The following FAM210B variants were observed in gnomAD, a reference collection of about 807,000 sequenced individuals.
FAM210B encodes the protein mitochondrial inner membrane scaffold 2, also known as family with sequence similarity 210 member B.
In FAM210B, 11 loss-of-function variants were observed where a neutral mutation model predicts 14.9. The ratio of observed to expected loss-of-function variants is 0.74; its 90% CI spans 0.46 to 1.22. FAM210B has a LOEUF of 1.22. Among genes scored for constraint, FAM210B ranks in the 50% most tolerant of loss-of-function variants. The pLI is 0.00. For synonymous variants in FAM210B, 113 were observed against 110.2 expected, an observed-to-expected ratio of 1.03 and a Z score of -0.16; for missense variants, 229 against 250.1, an observed-to-expected ratio of 0.92 and a Z score of 0.57.
rs1470759699 is a variant in FAM210B, at chr20:56,359,069, G to A, written c.64G>A (p.Ala22Thr). 12 of 1,355,956 alleles carry A rather than the reference G, an allele frequency of 8.8e-6. No homozygotes were observed. The East Asian group carries it at 1.3e-4, about 15-fold the overall frequency. 84.0% of individuals were successfully genotyped at this position (1,355,956 alleles called of 1,614,324 possible). The change falls in exon 1 of 3, where the codon GCC (alanine) becomes ACC (threonine). Residue 22 changes from alanine to threonine, a missense_variant. Ala to Thr is a moderately conservative substitution (Grantham distance 58, BLOSUM62 0). Coordinates refer to ENST00000371384, the MANE Select transcript of FAM210B (RefSeq NM_080821.3). The surrounding 1 kb of genome is among the most constrained non-coding windows in gnomAD (Gnocchi z 4.3). The stretch of plus-strand genomic sequence containing the variant: ...GGTGGGCGCCCGGGTCCGGCCTCGC[G>A]CCACCTGGCTCCTGGGCGCCACCGC... ...GRVGARVRPR[A>T]TWLLGATAPC...
In FAM210B at chr20:56,366,369, A is replaced by C. The variant is rs74808135; in HGVS notation, c.*82A>C. 1.5e-3 allele frequency: 2,203 copies of C among 1,427,360 alleles called. 33 individuals carry two copies. In the African/African-American group the frequency reaches 0.028, roughly 18 times the overall value. The allele number at this position is 1,427,360 out of a possible 1,614,324, so 88.4% of individuals were successfully genotyped here. ...ATTGGTTTTAGGGTTTTAGGGTTGT[A>C]GGGTTTCTTTTGGAGAGGTAGGGGG... On this transcript the variant is annotated 3_prime_UTR_variant, in exon 3 of 3. Transcript: ENST00000371384.
In FAM210B at chr20:56,359,662, TTA is replaced by T. The variant is rs1983492508; in HGVS notation, c.186+473_186+474del. Among the ~76,000 whole-genome samples, 1 of 152,258 alleles carries T rather than the reference TTA, an allele frequency of 6.6e-6. No homozygotes were observed. Among genetic ancestry groups the T allele is most frequent in the South Asian group, 2.1e-4 (1 of 4,836 alleles). On this transcript the variant is annotated intron_variant, in intron 1 of 2. Transcript: ENST00000371384. This position sits in a 1 kb window ranked among gnomAD's most constrained non-coding sequence, Gnocchi z 4.3. ...GGCAAGAAACCCACAGTGCTGTTTG[TTA>T]TGTTTCATTTCCGTCACTTTCCATT...
chr20:56,360,282 G>A, intron 1 of FAM210B: 2 of 468,360 alleles, frequency 4.3e-6, no homozygotes, highest in Non-Finnish European at 8.8e-6. Context: ...CAGCCCAGCT[G>A]TTCCTTCCTC....
rs773971408 is a variant in FAM210B at position 56,366,301 on chromosome 20, C to G, written c.*14C>G. The G allele has an allele frequency of 6.2e-7, 1 of 1,603,750 alleles. No individual in the cohort carries two copies. ...GCAAAACCTTAATGAACTCTTCAGT[C>G]GTACACACTGAAAACCTATTTCTTC... On this transcript the variant is annotated 3_prime_UTR_variant, in exon 3 of 3. Coordinates refer to ENST00000371384, the MANE Select transcript of FAM210B (RefSeq NM_080821.3).
rs1983631676 is a variant in FAM210B, at chr20:56,366,197, G to A, written c.489G>A (p.Val163=). ...CAATCCACAAGCTGTTTGCGCCAGT[G>A]AGAATCAGCATTACGCTAGTCTCTG... ...AYAIHKLFAP[V]RISITLVSVP... The change falls in exon 3 of 3, where the codon GTG becomes GTA. Residue 163 remains valine, a synonymous_variant. Coordinates refer to ENST00000371384, the MANE Select transcript of FAM210B (RefSeq NM_080821.3). 1.2e-6 allele frequency: 2 copies of A among 1,614,098 alleles called. No homozygotes were observed. Among genetic ancestry groups the A allele is most frequent in the South Asian group, 1.1e-5 (1 of 91,088 alleles).
chr20:56,359,098 CT>C lies in FAM210B; in HGVS notation c.94del (p.Cys32AlafsTer15). On this transcript the variant is annotated frameshift_variant, in exon 1 of 3. Coordinates refer to ENST00000371384, the MANE Select transcript of FAM210B (RefSeq NM_080821.3). LOFTEE classifies it high-confidence loss of function. This position sits in a 1 kb window ranked among gnomAD's most constrained non-coding sequence, Gnocchi z 4.3. ...CCTGGCTCCTGGGCGCCACCGCCCC[CT>C]GCGCCCCGCCGCCCCTGGCCCTGGC... ...ATWLLGATAP[C>X]APPPLALALL... is the part of the protein sequence containing the mutation. The C allele has an allele frequency of 7.5e-7, 1 of 1,339,252 alleles. No homozygotes were observed. Among genetic ancestry groups the C allele is most frequent in the South Asian group, 1.8e-5 (1 of 55,148 alleles). The allele number at this position is 1,339,252 out of a possible 1,614,324, so 83.0% of individuals were successfully genotyped here.
At chr20:56,361,528 G>A (rs6024826) in intron 1 of FAM210B, among the ~76,000 whole-genome samples, 1,883 of 152,238 alleles carry the variant, frequency 0.012, 45 homozygotes, top group African/African-American at 0.044. Flanking sequence ...CCCAGACTCA[G>A]CGAGTTTGGA....
Position 56,366,371 on chromosome 20 carries a change from G to C in FAM210B, c.*84G>C. 1 of 1,370,474 alleles carries C rather than the reference G, an allele frequency of 7.3e-7. No homozygotes were observed. 84.9% of individuals were successfully genotyped at this position (1,370,474 alleles called of 1,614,324 possible). A position where few individuals can be genotyped will look rare whatever the true frequency, so the allele number is the denominator to read the frequency against. ...TGGTTTTAGGGTTTTAGGGTTGTAG[G>C]GTTTCTTTTGGAGAGGTAGGGGGCT... is the stretch of plus-strand genomic sequence containing the variant. On this transcript the variant is annotated 3_prime_UTR_variant, in exon 3 of 3. Transcript: ENST00000371384.
At position 56,362,665 on chromosome 20, in the gene FAM210B, G is replaced by A. The variant is rs1400558898; in HGVS notation, c.187-2422G>A. The stretch of plus-strand genomic sequence containing the variant: ...TCTAGAATGTCAGAAGCCAACCGTG[G>A]TGCCAGCTAACCCGAGATTGTCCCT... On this transcript the variant is annotated intron_variant, in intron 1 of 2. Coordinates refer to ENST00000371384, the MANE Select transcript of FAM210B (RefSeq NM_080821.3). This position sits in a 1 kb window ranked among gnomAD's most constrained non-coding sequence, Gnocchi z 4.8. Among the ~76,000 whole-genome samples the A allele has an allele frequency of 3.3e-5, 5 of 152,156 alleles. No homozygotes were observed. Among genetic ancestry groups the A allele is most frequent in the Non-Finnish European group, 2.9e-5 (2 of 68,046 alleles).
chr20:56,360,388 A>G, intron 1 of FAM210B: 1 of 372,020 alleles, frequency 2.7e-6, no homozygotes, highest in South Asian at 2.0e-5. Context: ...CTCATCTGGA[A>G]TGGCCTCTTG....
intron 1 of FAM210B, among the ~76,000 whole-genome samples, chr20:56,364,610 C>T (rs1396423036): frequency 6.6e-6 from 1 of 152,184 alleles, no homozygotes; most frequent in East Asian, 1.9e-4. Flanking sequence ...GCCAGCCATA[C>T]CTAGTTCCAG....
chr20:56,363,103 G>T lies in FAM210B; in HGVS notation c.187-1984G>T, dbSNP rs1038071771. On this transcript the variant is annotated intron_variant, in intron 1 of 2. Transcript: ENST00000371384. The surrounding 1 kb of genome is among the most constrained non-coding windows in gnomAD (Gnocchi z 4.1). ...CGGGAGGTCACATGTGCTGGCCAAA[G>T]AAAGGGGGGCTGATGACATCTTCCC... Among the ~76,000 whole-genome samples the T allele has an allele frequency of 6.0e-4, 92 of 152,236 alleles. 1 individual carries two copies. Among genetic ancestry groups the T allele is most frequent in the Non-Finnish European group, 1.3e-4 (9 of 68,042 alleles).
chr20:56,364,515 T>G (rs933386588), intron 1 of FAM210B, among the ~76,000 whole-genome samples: 3 of 152,208 alleles, frequency 2.0e-5, no homozygotes, highest in African/African-American at 7.2e-5. Flanking sequence ...TCAAGACCCT[T>G]AATCACATCT....
In FAM210B at chr20:56,358,981, C is replaced by A. The variant is rs1370065996; in HGVS notation, c.-25C>A. On this transcript the variant is annotated 5_prime_UTR_variant, in exon 1 of 3. Coordinates refer to ENST00000371384, the MANE Select transcript of FAM210B (RefSeq NM_080821.3). Reference sequence around the variant, plus strand: ...CCGCCCGCCTCCCGGGTCAGCGGCGCGGGTGCTGCGCCTAGCTGCGCACCA... The same window carrying A: ...CCGCCCGCCTCCCGGGTCAGCGGCGAGGGTGCTGCGCCTAGCTGCGCACCA... The A allele has an allele frequency of 1.7e-6, 2 of 1,201,906 alleles. No individual in the cohort carries two copies. The highest frequency in any genetic ancestry group is 3.2e-5 in the African/African-American group (2 of 62,100). The allele number at this position is 1,201,906 out of a possible 1,614,324, so 74.5% of individuals were successfully genotyped here. A position where few individuals can be genotyped will look rare whatever the true frequency, so the allele number is the denominator to read the frequency against.
chr20:56,365,274 G>T lies in FAM210B; in HGVS notation c.362+12G>T. 1.9e-6 allele frequency: 3 copies of T among 1,607,190 alleles called. No individual in the cohort carries two copies. The highest frequency in any genetic ancestry group is 1.1e-5 in the South Asian group (1 of 90,148). On this transcript the variant is annotated intron_variant, in intron 2 of 2. Transcript: ENST00000371384. The stretch of plus-strand genomic sequence containing the variant: ...ATGGTTGTGTCAAGGTAAGATTTTT[G>T]ACAGTAATTAATATTTGTTTTTTAC...
Position 56,367,463 on chromosome 20 carries a change from A to AC in FAM210B, c.*1180dup, listed in dbSNP as rs1019677726. On this transcript the variant is annotated 3_prime_UTR_variant, in exon 3 of 3. Transcript: ENST00000371384. ...AGACCAGCCTGGCCAACATGATGAA[A>AC]CCCCGTCTCTACTACAAATACAAAA... 1.3e-5 allele frequency: 2 copies of AC among 152,024 alleles called. No homozygotes were observed. The highest frequency in any genetic ancestry group is 4.8e-5 in the African/African-American group (2 of 41,330). The allele number at this position is 152,024 out of a possible 1,614,324, so 9.4% of individuals were successfully genotyped here.
chr20:56,361,833 C>T (rs1234518784), intron 1 of FAM210B, among the ~76,000 whole-genome samples: 3 of 151,950 alleles, frequency 2.0e-5, no homozygotes, highest in South Asian at 4.2e-4. Context: ...AAATATTAGC[C>T]GGGCATAGTG....
Position 56,359,261 on chromosome 20 carries a change from G to T in FAM210B, c.186+70G>T. On this transcript the variant is annotated intron_variant, in intron 1 of 2. Transcript: ENST00000371384. This position sits in a 1 kb window ranked among gnomAD's most constrained non-coding sequence, Gnocchi z 4.3. ...CCCAGACGTCCGCAGGGCCGCGCCG[G>T]GGTCCGGCCGCCTCCGCCAAGGACG... 1 of 1,204,626 alleles carries T rather than the reference G, an allele frequency of 8.3e-7. No individual in the cohort carries two copies. The highest frequency in any genetic ancestry group is 4.3e-5 in the South Asian group (1 of 23,478). 74.6% of individuals were successfully genotyped at this position (1,204,626 alleles called of 1,614,324 possible).
intron 1 of FAM210B, among the ~76,000 whole-genome samples, chr20:56,361,763 C>G (rs956055829): frequency 1.3e-5 from 2 of 152,068 alleles, no homozygotes; most frequent in African/African-American, 2.4e-5. Flanking sequence ...GATCACCTGA[C>G]GTCAGAAGCT....
Sources: allele counts gnomAD v4.1 joint callset (sites outside exome capture counted in the v4.1 genomes callset), GRCh38; gene constraint gnomAD v4.1.1; non-coding constraint Gnocchi (gnomAD v3.1); transcripts MANE v1.5; gene names NCBI Gene and HGNC (gene_info 2026-07-23, HGNC 2026-07-21).